The following GNAQ variants were observed in gnomAD, a reference collection of about 807,000 sequenced individuals.
The protein encoded by GNAQ is guanine nucleotide-binding protein G(q) subunit alpha.
Under a neutral mutation model 43.9 loss-of-function variants are expected in GNAQ, and 8 were observed. The observed-to-expected ratio is 0.18, with a 90% CI of 0.11 to 0.33. The LOEUF (loss-of-function observed/expected upper bound fraction) is 0.33, where lower values mean the gene tolerates loss of function less well. GNAQ is among the 10% of genes least tolerant of loss of function. The pLI, the probability that GNAQ is intolerant of heterozygous loss-of-function variation, is 1.00. For missense variants in GNAQ, 158 were observed against 450.8 expected (o/e 0.35, Z 5.88); for synonymous variants, 155 against 170.7 (o/e 0.91, Z 0.71).
In GNAQ at chr9:77,828,059, C is replaced by CAAAAAAAAAAAAAAAAAAAAAAAAAAAAA. The variant is rs71360654; in HGVS notation, c.322-12318_322-12290dup. ...TGGGCGACAGAGTGAGACTCCTCCTCAAAAAAAAAAAAAAAAAAAAAAAAA... is the reference window on the plus strand; with the variant it reads ...TGGGCGACAGAGTGAGACTCCTCCTCAAAAAAAAAAAAAAAAAAAAAAAAAAAAAAAAAAAAAAAAAAAAAAAAAAAAAA... On this transcript the variant is annotated intron_variant, in intron 2 of 6. Transcript: ENST00000286548. 2.1e-4 allele frequency among the ~76,000 whole-genome samples: 4 copies of CAAAAAAAAAAAAAAAAAAAAAAAAAAAAA among 19,244 alleles called. 1 individual carries two copies. Among genetic ancestry groups the CAAAAAAAAAAAAAAAAAAAAAAAAAAAAA allele is most frequent in the Non-Finnish European group, 2.9e-4 (3 of 10,394 alleles). 12.6% of individuals were successfully genotyped at this position (19,244 alleles called of 152,430 possible). A position where few individuals can be genotyped will look rare whatever the true frequency, so the allele number is the denominator to read the frequency against.
chr9:78,029,072 C>A (rs1564183459), intron 1 of GNAQ, among the ~76,000 whole-genome samples: 1 of 152,138 alleles, frequency 6.6e-6, no homozygotes, highest in Non-Finnish European at 1.5e-5. Flanking sequence ...TTTAAAAGCA[C>A]AGTGTTATTT....
intron 1 of GNAQ, among the ~76,000 whole-genome samples, chr9:77,993,439 CT>C (rs1365099912): frequency 1.3e-5 from 2 of 152,128 alleles, no homozygotes; most frequent in Non-Finnish European, 2.9e-5. Flanking sequence ...TGGCTCACGC[CT>C]GTAATCCCAA....
At chr9:77,866,767 T>C (rs1827956892) in intron 2 of GNAQ, among the ~76,000 whole-genome samples, 2 of 152,248 alleles carry the variant, frequency 1.3e-5, no homozygotes, top group East Asian at 1.9e-4. Context: ...TTAGCTGTTA[T>C]AAAATTTGGC....
At chr9:77,938,830 G>A (rs1410783829) in intron 1 of GNAQ, among the ~76,000 whole-genome samples, 3 of 152,194 alleles carry the variant, frequency 2.0e-5, no homozygotes, top group African/African-American at 7.2e-5. Context: ...TTCTTCCTGG[G>A]GCTTTGGAAG....
intron 2 of GNAQ, among the ~76,000 whole-genome samples, chr9:77,827,448 C>A (rs1038525382): frequency 6.6e-6 from 1 of 150,500 alleles, no homozygotes; most frequent in African/African-American, 2.4e-5. Flanking sequence ...ATGCATATTG[C>A]CTCTTTTATG....
intron 1 of GNAQ, among the ~76,000 whole-genome samples, chr9:77,991,130 T>C (rs1466266812): frequency 6.6e-6 from 1 of 152,240 alleles, no homozygotes; most frequent in African/African-American, 2.4e-5. Flanking sequence ...CTATACCAGT[T>C]TGAGCATATT....
At chr9:77,736,778 C>G (rs867239293) in intron 5 of GNAQ, among the ~76,000 whole-genome samples, 1 of 151,988 alleles carries the variant, frequency 6.6e-6, no homozygotes, top group Non-Finnish European at 1.5e-5. Flanking sequence ...TGACAGGTAA[C>G]AGGACAAATG....
At chr9:77,912,100 C>T (rs1828817408) in intron 2 of GNAQ, among the ~76,000 whole-genome samples, 1 of 152,144 alleles carries the variant, frequency 6.6e-6, no homozygotes, top group African/African-American at 2.4e-5. Flanking sequence ...CTTGTGCAAT[C>T]CCAAAGAAGA....
chr9:77,736,916 G>C (rs1192042555), intron 5 of GNAQ, among the ~76,000 whole-genome samples: 1 of 152,162 alleles, frequency 6.6e-6, no homozygotes, highest in Non-Finnish European at 1.5e-5. Context: ...AAAGTCTACT[G>C]CACAGCACAC....
rs142246202 is a variant in GNAQ at position 77,827,367 on chromosome 9, T to C, written c.322-11597A>G. On this transcript the variant is annotated intron_variant, in intron 2 of 6. Transcript: ENST00000286548. ...GCAATGGTCATGAAATCAAACCAAA[T>C]CCATGTTTAAATAACTAAAAAAAAA... Among the ~76,000 whole-genome samples, 169 of 123,890 alleles carry C rather than the reference T, an allele frequency of 1.4e-3. 1 individual carries two copies. Among genetic ancestry groups the C allele is most frequent in the Middle Eastern group, 4.5e-3 (1 of 222 alleles). The allele number at this position is 123,890 out of a possible 152,430, so 81.3% of individuals were successfully genotyped here. A position where few individuals can be genotyped will look rare whatever the true frequency, so the allele number is the denominator to read the frequency against.
At chr9:77,772,935 A>C (rs1826249367) in intron 5 of GNAQ, among the ~76,000 whole-genome samples, 1 of 152,214 alleles carries the variant, frequency 6.6e-6, no homozygotes, top group African/African-American at 2.4e-5. Context: ...CCACAGAAAC[A>C]CGCCAAAAAA....
chr9:77,914,225 T>C (rs1204383972), intron 2 of GNAQ, among the ~76,000 whole-genome samples: 2 of 152,100 alleles, frequency 1.3e-5, no homozygotes, highest in East Asian at 3.9e-4. Context: ...ATTTTGAAAG[T>C]TGATATAGTT....
At chr9:77,741,644 TAAA>T (rs1312341749) in intron 5 of GNAQ, among the ~76,000 whole-genome samples, 1 of 152,206 alleles carries the variant, frequency 6.6e-6, no homozygotes, top group Admixed American at 6.5e-5. Flanking sequence ...TGCACACATG[TAAA>T]AAATGCCTTT....
chr9:78,030,149 T>C (rs1420567051), intron 1 of GNAQ, among the ~76,000 whole-genome samples: 1 of 152,196 alleles, frequency 6.6e-6, no homozygotes, highest in Admixed American at 6.5e-5. Context: ...ATTAAAATGC[T>C]ATCTGTTTTA....
intron 5 of GNAQ, among the ~76,000 whole-genome samples, chr9:77,730,596 C>T (rs928474404): frequency 6.6e-6 from 1 of 152,148 alleles, no homozygotes; most frequent in African/African-American, 2.4e-5. Flanking sequence ...TAATTTTGTG[C>T]CAACAATTGC....
intron 1 of GNAQ, among the ~76,000 whole-genome samples, chr9:78,008,809 G>A (rs1481518165): frequency 6.6e-6 from 1 of 152,104 alleles, no homozygotes; most frequent in African/African-American, 2.4e-5. Flanking sequence ...AGTAGAGACA[G>A]GGTTTCACCG....
At chr9:77,937,772 G>T (rs1352328850) in intron 1 of GNAQ, among the ~76,000 whole-genome samples, 1 of 150,716 alleles carries the variant, frequency 6.6e-6, no homozygotes, top group Non-Finnish European at 1.5e-5. Context: ...CATGCCTGTA[G>T]TCCCAGCTAC....
intron 2 of GNAQ, among the ~76,000 whole-genome samples, chr9:77,885,281 G>A (rs1294385982): frequency 6.6e-6 from 1 of 152,144 alleles, no homozygotes; most frequent in African/African-American, 2.4e-5. Context: ...GCAAGCTCAA[G>A]GAGCCGGGGA....
chr9:77,819,426 G>C (rs550036628), intron 2 of GNAQ, among the ~76,000 whole-genome samples: 6 of 152,106 alleles, frequency 3.9e-5, no homozygotes, highest in Non-Finnish European at 8.8e-5. Flanking sequence ...CAAGCCTTTA[G>C]GTGAAATGAA....
Sources: gnomAD v4.1 joint callset for allele counts (sites outside exome capture counted in the v4.1 genomes callset) on GRCh38, gnomAD v4.1.1 for gene constraint, MANE v1.5 for transcripts, NCBI Gene and HGNC (gene_info 2026-07-23, HGNC 2026-07-21) for gene names.